ZNF385C: variants seen among roughly 807,000 people sequenced by gnomAD.
ZNF385C encodes zinc finger protein 385C.
A neutral mutation model predicts 35.4 loss-of-function variants in ZNF385C; 28 were observed. That is an observed-to-expected ratio of 0.79 (90% CI 0.59 to 1.08). ZNF385C has a LOEUF of 1.08. Among genes scored for constraint, ZNF385C ranks in the 50% least tolerant of loss-of-function variants. The pLI, the probability that ZNF385C is intolerant of heterozygous loss-of-function variation, is 0.00. For synonymous variants in ZNF385C, 248 were observed against 248.2 expected, an observed-to-expected ratio of 1.00 and a Z score of 0.01; for missense variants, 605 against 595.6, an observed-to-expected ratio of 1.02 and a Z score of -0.16.
In ZNF385C at chr17:42,026,894, G is replaced by A. The variant is rs1188672893; in HGVS notation, c.*3C>T. 1.6e-5 allele frequency: 25 copies of A among 1,583,310 alleles called. No homozygotes were observed. The highest frequency in any genetic ancestry group is 2.1e-5 in the Non-Finnish European group (24 of 1,164,304). ...GAAATCAGCTCTGGCCTCCCCATGAGGGCTAATAAGGGGCAAGGACGATAG... is the reference window on the plus strand; with the variant it reads ...GAAATCAGCTCTGGCCTCCCCATGAAGGCTAATAAGGGGCAAGGACGATAG... On this transcript the variant is annotated 3_prime_UTR_variant, in exon 9 of 9. Coordinates refer to ENST00000692273, the MANE Select transcript of ZNF385C (RefSeq NM_001392013.1).
chr17:42,047,598 G>A (rs2053193337), intron 2 of ZNF385C, among the ~76,000 whole-genome samples: 1 of 152,132 alleles, frequency 6.6e-6, no homozygotes, highest in Non-Finnish European at 1.5e-5. Flanking sequence ...AGGGCCGGCT[G>A]GTTTGGTGCA....
chr17:42,066,820 G>A (rs892591540), intron 1 of ZNF385C, among the ~76,000 whole-genome samples: 19 of 152,134 alleles, frequency 1.2e-4, no homozygotes, highest in African/African-American at 4.3e-4. Flanking sequence ...TGTAATCCCA[G>A]CACTTTGGGA....
intron 1 of ZNF385C, among the ~76,000 whole-genome samples, chr17:42,069,740 T>C (rs2053597406): frequency 6.6e-6 from 1 of 152,246 alleles, no homozygotes; most frequent in South Asian, 2.1e-4. Flanking sequence ...GGGCTTTGGT[T>C]TCCTGTCTTT....
chr17:42,090,774 C>T (rs901716646), intron 1 of ZNF385C, among the ~76,000 whole-genome samples: 11 of 152,022 alleles, frequency 7.2e-5, no homozygotes, highest in East Asian at 2.0e-4. Flanking sequence ...CCCAGCTACT[C>T]GGGAGGCTGA....
chr17:42,048,953 A>C (rs2053228142), intron 2 of ZNF385C, among the ~76,000 whole-genome samples: 2 of 151,822 alleles, frequency 1.3e-5, no homozygotes. Flanking sequence ...AAAAAAAAAA[A>C]AACAAAAATA....
chr17:42,096,226 T>G (rs2053916376), intron 1 of ZNF385C, among the ~76,000 whole-genome samples: 1 of 152,162 alleles, frequency 6.6e-6, no homozygotes, highest in South Asian at 2.1e-4. Context: ...TCCGTAGGGG[T>G]GCACACACTA....
rs1162283440 is a variant in ZNF385C, at chr17:42,048,955, A to C, written c.251-11070T>G. ...AGACTCCATCTCAAAAAAAAAAAAA[A>C]CAAAAATACTGCTTTAGACCCCTCC... On this transcript the variant is annotated intron_variant, in intron 2 of 8. Coordinates refer to ENST00000692273, the MANE Select transcript of ZNF385C (RefSeq NM_001392013.1). Among the ~76,000 whole-genome samples the C allele has an allele frequency of 1.3e-4, 20 of 150,290 alleles. No individual in the cohort carries two copies. In the East Asian group the frequency reaches 1.8e-3, roughly 13 times the overall value.
chr17:42,039,906 CGCGGGCAGCGCCA>C (rs1312632617), intron 2 of ZNF385C: 1 of 1,231,246 alleles, frequency 8.1e-7, no homozygotes, highest in Non-Finnish European at 1.0e-6. Flanking sequence ...GGCCAGCGCC[CGCGGGCAGCGCCA>C]AAGCCAAGGC....
At chr17:42,044,158 AAAAAAT>A (rs1276599245) in intron 2 of ZNF385C, among the ~76,000 whole-genome samples, 1 of 149,666 alleles carries the variant, frequency 6.7e-6, no homozygotes, top group African/African-American at 2.5e-5. Flanking sequence ...AAAAAAAAAA[AAAAAAT>A]TAGCCAGGCA....
chr17:42,098,343 G>GGCT (rs1598209713), intron 1 of ZNF385C, 67 bp downstream of exon 1: 1 of 152,426 alleles, frequency 6.6e-6, no homozygotes, highest in East Asian at 1.9e-4. Flanking sequence ...AGGTGGAAGA[G>GGCT]GCTGCCTCGT....
intron 2 of ZNF385C, chr17:42,042,866 A>T: frequency 8.1e-7 from 1 of 1,232,278 alleles, no homozygotes; most frequent in South Asian, 4.1e-5. Context: ...GGACTGTAGT[A>T]ATCGCCATGC....
In ZNF385C at chr17:42,027,087, C is replaced by T. The variant is rs573361775; in HGVS notation, c.1322G>A (p.Arg441His). 1.9e-5 allele frequency: 31 copies of T among 1,611,968 alleles called. No homozygotes were observed. In the South Asian group the frequency reaches 2.4e-4, roughly 13 times the overall value. Residue 441 changes from arginine (R) to histidine (H), a missense_variant, in exon 9 of 9, where the codon CGC becomes CAC. Physicochemically the swap from Arg to His is conservative, Grantham distance 29. Coordinates refer to ENST00000692273, the MANE Select transcript of ZNF385C (RefSeq NM_001392013.1). ...GGTGGGGAGCGGGCTGGGCAGGAAGCGGGCTGCCAACGTCTTGGTGAGTTG... is the reference window on the plus strand; with the variant it reads ...GGTGGGGAGCGGGCTGGGCAGGAAGTGGGCTGCCAACGTCTTGGTGAGTTG... ...QKQLTKTLAA[R>H]FLPSPLPTAA...
rs1555654430 is a variant in ZNF385C at position 42,027,709 on chromosome 17, T to G, written c.1184A>C (p.His395Pro). ...QLKQHMSSRR[H>P]KDRLAGKTPK... ...GGTCTTCCCGGCCAGGCGGTCTTTGTGCCTCCTGCTGCTCATGTGCTAATG... is the reference window on the plus strand; with the variant it reads ...GGTCTTCCCGGCCAGGCGGTCTTTGGGCCTCCTGCTGCTCATGTGCTAATG... Residue 395 changes from histidine to proline, a missense_variant, in exon 8 of 9, where the codon CAC becomes CCC. By Grantham distance (77) the His-to-Pro change is moderately conservative (BLOSUM62 -2). Coordinates refer to ENST00000692273, the MANE Select transcript of ZNF385C (RefSeq NM_001392013.1). 6.2e-7 allele frequency: 1 copy of G among 1,612,482 alleles called. No individual in the cohort carries two copies. The highest frequency in any genetic ancestry group is 1.3e-5 in the African/African-American group (1 of 74,784).
intron 1 of ZNF385C, among the ~76,000 whole-genome samples, chr17:42,066,741 C>T (rs917828412): frequency 2.6e-5 from 4 of 152,102 alleles, no homozygotes; most frequent in Admixed American, 1.3e-4. Flanking sequence ...AGGGTGGGCC[C>T]GTAATCCAAT....
At chr17:42,081,030 A>T (rs1265559912) in intron 1 of ZNF385C, among the ~76,000 whole-genome samples, 2 of 152,234 alleles carry the variant, frequency 1.3e-5, no homozygotes, top group African/African-American at 4.8e-5. Context: ...TGTGCCTGGC[A>T]CAGAGTAGGG....
At chr17:42,030,593 T>C in intron 5 of ZNF385C, among the ~76,000 whole-genome samples, 1 of 152,190 alleles carries the variant, frequency 6.6e-6, no homozygotes, top group East Asian at 1.9e-4. Flanking sequence ...TGATCTATGC[T>C]GAGAAAAGTC....
At chr17:42,063,536 G>GA (rs1382474253) in intron 1 of ZNF385C, among the ~76,000 whole-genome samples, 2 of 151,954 alleles carry the variant, frequency 1.3e-5, no homozygotes, top group African/African-American at 2.4e-5. Flanking sequence ...ATTTCAGAAA[G>GA]AAAAAACAAA....
Position 42,050,806 on chromosome 17 carries a change from G to C in ZNF385C, c.250+12001C>G, listed in dbSNP as rs1248034240. 9.9e-5 allele frequency among the ~76,000 whole-genome samples: 15 copies of C among 151,520 alleles called. No individual in the cohort carries two copies. Among genetic ancestry groups the C allele is most frequent in the Admixed American group, 9.8e-4 (15 of 15,230 alleles). On this transcript the variant is annotated intron_variant, in intron 2 of 8. Coordinates refer to ENST00000692273, the MANE Select transcript of ZNF385C (RefSeq NM_001392013.1). The surrounding 1 kb of genome is among the most constrained non-coding windows in gnomAD (Gnocchi z 5.6). ...CCCCAGCCCCTGCCGCCCCACGCGC[G>C]GCAGCAGGAGCCAGAGGCTAGACCG...
rs181795212 is a variant in ZNF385C, at chr17:42,044,221, T to C, written c.251-6336A>G. Among the ~76,000 whole-genome samples the C allele has an allele frequency of 2.6e-4, 37 of 141,604 alleles. No homozygotes were observed. In the East Asian group the frequency reaches 6.7e-3, roughly 26 times the overall value. 92.9% of individuals were successfully genotyped at this position (141,604 alleles called of 152,430 possible). On this transcript the variant is annotated intron_variant, in intron 2 of 8. Coordinates refer to ENST00000692273, the MANE Select transcript of ZNF385C (RefSeq NM_001392013.1). ...AGCTACTGGGGAGGTTGAGGCAGGA[T>C]TGCTTGAGCCTGGGAGGCAAAGGTT...
Sources: allele counts gnomAD v4.1 joint callset (sites outside exome capture counted in the v4.1 genomes callset), GRCh38; gene constraint gnomAD v4.1.1; non-coding constraint Gnocchi (gnomAD v3.1); transcripts MANE v1.5; gene names NCBI Gene and HGNC (gene_info 2026-07-23, HGNC 2026-07-21).